The following DCDC2C variants were observed in gnomAD, a reference collection of about 807,000 sequenced individuals.
The protein encoded by DCDC2C is doublecortin domain-containing protein 2C.
DCDC2C carries 44 observed loss-of-function variants against 45.0 expected under a neutral mutation model. The ratio of observed to expected loss-of-function variants is 0.98; its 90% confidence interval spans 0.77 to 1.26. The LOEUF (loss-of-function observed/expected upper bound fraction) is 1.26, where lower values mean the gene tolerates loss of function less well. DCDC2C is among the 50% of genes most tolerant of loss of function. The pLI is 0.00. For synonymous variants in DCDC2C, 187 were observed against 178.8 expected (o/e 1.05, Z -0.37); for missense variants, 447 against 468.9 (o/e 0.95, Z 0.43).
At chr2:3,800,275 C>A (rs1671082543) in intron 10 of DCDC2C, among the ~76,000 whole-genome samples, 1 of 152,178 alleles carries the variant, frequency 6.6e-6, no homozygotes, top group South Asian at 2.1e-4. Context: ...GTCTGGCACT[C>A]CCTAGTGAGA....
At chr2:3,801,567 T>C (rs1454673287) in intron 10 of DCDC2C, among the ~76,000 whole-genome samples, 1 of 152,222 alleles carries the variant, frequency 6.6e-6, no homozygotes, top group African/African-American at 2.4e-5. Context: ...AAATGACAGT[T>C]GTATTTATAT....
intron 3 of DCDC2C, among the ~76,000 whole-genome samples, chr2:3,730,442 G>A (rs1480296626): frequency 6.6e-6 from 1 of 152,158 alleles, no homozygotes; most frequent in Non-Finnish European, 1.5e-5. Context: ...AGTTACTACT[G>A]TTACTGCTTG....
chr2:3,832,484 G>A (rs1452861509), intron 10 of DCDC2C, among the ~76,000 whole-genome samples: 1 of 152,188 alleles, frequency 6.6e-6, no homozygotes, highest in Non-Finnish European at 1.5e-5. Flanking sequence ...GGTGCTCTGA[G>A]ATTGTTGATA....
intron 6 of DCDC2C, among the ~76,000 whole-genome samples, chr2:3,756,387 T>C (rs1669717517): frequency 6.6e-6 from 1 of 152,208 alleles, no homozygotes; most frequent in African/African-American, 2.4e-5. Flanking sequence ...CACACTGGCT[T>C]TGAGGGTCGG....
At chr2:3,715,047 T>C (rs924839039) in intron 2 of DCDC2C, among the ~76,000 whole-genome samples, 7 of 152,270 alleles carry the variant, frequency 4.6e-5, no homozygotes, top group Admixed American at 3.9e-4. Flanking sequence ...GCTTTTGACA[T>C]GTACACATAT....
At chr2:3,717,548 G>A (rs908688304) in intron 2 of DCDC2C, among the ~76,000 whole-genome samples, 1 of 147,284 alleles carries the variant, frequency 6.8e-6, no homozygotes, top group African/African-American at 2.5e-5. Flanking sequence ...AGGCTGCCAA[G>A]TTTGGTCACC....
intron 8 of DCDC2C, among the ~76,000 whole-genome samples, chr2:3,776,617 C>A (rs751262642): frequency 1.3e-4 from 20 of 152,228 alleles, no homozygotes; most frequent in Non-Finnish European, 2.6e-4. Flanking sequence ...ATCTCACTGG[C>A]CATCAGATGC....
intron 10 of DCDC2C, among the ~76,000 whole-genome samples, chr2:3,843,487 T>C (rs1188833787): frequency 6.6e-6 from 1 of 152,208 alleles, no homozygotes; most frequent in Non-Finnish European, 1.5e-5. Context: ...AATGGTTTTG[T>C]TTTCAGTTTT....
intron 4 of DCDC2C, among the ~76,000 whole-genome samples, chr2:3,748,337 T>C (rs1303516715): frequency 7.7e-6 from 1 of 129,236 alleles, no homozygotes; most frequent in Non-Finnish European, 1.6e-5. Context: ...CAACCTCATG[T>C]AGGAATGAGT....
intron 4 of DCDC2C, among the ~76,000 whole-genome samples, chr2:3,751,993 C>T (rs1194424420): frequency 1.3e-5 from 2 of 152,204 alleles, no homozygotes; most frequent in African/African-American, 4.8e-5. Context: ...CAGTTCCCCT[C>T]CTCGCCCTGG....
intron 9 of DCDC2C, among the ~76,000 whole-genome samples, chr2:3,779,809 C>T (rs934592085): frequency 5.9e-5 from 9 of 152,122 alleles, no homozygotes; most frequent in Non-Finnish European, 7.3e-5. Context: ...CTGCAGCTTC[C>T]TGGCTGCCAC....
chr2:3,710,268 G>T (rs1037212246), intron 2 of DCDC2C, among the ~76,000 whole-genome samples: 13 of 152,136 alleles, frequency 8.5e-5, no homozygotes, highest in Non-Finnish European at 2.9e-5. Context: ...GTAAACATGT[G>T]CCATGGTGGT....
At chr2:3,806,294 T>A (rs1398728657) in intron 10 of DCDC2C, among the ~76,000 whole-genome samples, 1 of 152,220 alleles carries the variant, frequency 6.6e-6, no homozygotes, top group Non-Finnish European at 1.5e-5. Flanking sequence ...TCTGCAGTGT[T>A]TTGGTCTCTC....
chr2:3,809,908 G>A (rs769439310), intron 10 of DCDC2C, among the ~76,000 whole-genome samples: 1 of 152,166 alleles, frequency 6.6e-6, no homozygotes, highest in Non-Finnish European at 1.5e-5. Context: ...CTATGTCCCT[G>A]CAAAGGACAT....
intron 10 of DCDC2C, among the ~76,000 whole-genome samples, chr2:3,789,834 G>C (rs776168621): frequency 1.1e-4 from 17 of 152,142 alleles, no homozygotes; most frequent in Non-Finnish European, 2.4e-4. Flanking sequence ...TTGAAAACTA[G>C]GAAATTTTTG....
chr2:3,766,083 C>T (rs945640293), intron 6 of DCDC2C, among the ~76,000 whole-genome samples: 1 of 152,144 alleles, frequency 6.6e-6, no homozygotes, highest in Admixed American at 6.5e-5. Flanking sequence ...GGGTGACTTT[C>T]CACGTCAGGG....
At chr2:3,832,271 C>A (rs1312041557) in intron 10 of DCDC2C, among the ~76,000 whole-genome samples, 2 of 152,166 alleles carry the variant, frequency 1.3e-5, no homozygotes, top group African/African-American at 4.8e-5. Context: ...TCATTCCATT[C>A]AAAAGTAGAC....
At chr2:3,732,173 G>A (rs1233455413) in intron 3 of DCDC2C, among the ~76,000 whole-genome samples, 1 of 152,146 alleles carries the variant, frequency 6.6e-6, no homozygotes, top group South Asian at 2.1e-4. Context: ...GATGCAATTG[G>A]GAGGAAGATA....
chr2:3,847,905 C>T lies in DCDC2C; in HGVS notation c.*722C>T, dbSNP rs190321510. Among the ~76,000 whole-genome samples the T allele has an allele frequency of 1.2e-4, 18 of 152,224 alleles. No homozygotes were observed. The highest frequency in any genetic ancestry group is 1.0e-3 in the Admixed American group (16 of 15,298). ...GTGAAAAAGATTCTTGCTTCCCCTT[C>T]GCCCTTCTGCTATGATTGTAAGTTT... On this transcript the variant is annotated 3_prime_UTR_variant, in exon 11 of 11. Transcript: ENST00000399143.
Sources: gnomAD v4.1 joint callset for allele counts (sites outside exome capture counted in the v4.1 genomes callset) on GRCh38, gnomAD v4.1.1 for gene constraint, MANE v1.5 for transcripts, NCBI Gene and HGNC (gene_info 2026-07-23, HGNC 2026-07-21) for gene names.